Variants in HMGCLL1 observed in about 807,000 individuals in gnomAD.
The protein encoded by HMGCLL1 is 3-hydroxymethyl-3-methylglutaryl-CoA lyase, cytoplasmic.
A neutral mutation model predicts 39.1 loss-of-function variants in HMGCLL1; 36 were observed. The observed-to-expected ratio is 0.92, with a 90% confidence interval of 0.71 to 1.22. The LOEUF is 1.22. Ranked by LOEUF, HMGCLL1 falls within the 50% of genes most tolerant of loss-of-function variation. HMGCLL1 has a pLI of 0.00. For missense variants in HMGCLL1, 451 were observed against 416.5 expected, an observed-to-expected ratio of 1.08 and a Z score of -0.72; for synonymous variants, 149 against 144.0, an observed-to-expected ratio of 1.03 and a Z score of -0.25.
chr6:55,474,651 G>T (rs1035836501), intron 7 of HMGCLL1, among the ~76,000 whole-genome samples: 1 of 151,346 alleles, frequency 6.6e-6, no homozygotes, highest in Non-Finnish European at 1.5e-5. Flanking sequence ...GTCTCTTCAG[G>T]CTGTATTTTT....
chr6:55,523,950 G>T (rs764930679), intron 3 of HMGCLL1, among the ~76,000 whole-genome samples: 1 of 151,808 alleles, frequency 6.6e-6, no homozygotes, highest in African/African-American at 2.4e-5. Flanking sequence ...TACTGTGCAT[G>T]TTTCTATTTT....
Position 55,545,226 on chromosome 6 carries a change from A to AAAAAAG in HMGCLL1, c.109-3087_109-3086insCTTTTT, listed in dbSNP as rs1554157191. On this transcript the variant is annotated intron_variant, in intron 1 of 8. Transcript: ENST00000274901. ...ACAATGTTTGCCAAAAAAAAAAAAA[A>AAAAAAG]AAGAAGAAAAAGAAAGGTACGTAGT... Among the ~76,000 whole-genome samples the AAAAAAG allele has an allele frequency of 2.1e-5, 3 of 143,146 alleles. 1 individual carries two copies. The highest frequency in any genetic ancestry group is 4.5e-5 in the Non-Finnish European group (3 of 66,472). 93.9% of individuals were successfully genotyped at this position (143,146 alleles called of 152,430 possible).
At chr6:55,639,503 G>A in the HMGCLL1 span, among the ~76,000 whole-genome samples, 2 of 151,446 alleles carry the variant, frequency 1.3e-5, no homozygotes. Flanking sequence ...GAGAAGACAG[G>A]CATATTTATT....
chr6:55,574,339 T>A (rs1307283559), intron 1 of HMGCLL1, among the ~76,000 whole-genome samples: 1 of 151,834 alleles, frequency 6.6e-6, no homozygotes, highest in Admixed American at 6.6e-5. Flanking sequence ...TGCATATGTA[T>A]TGTAAATACA....
At chr6:55,617,416 G>A in the HMGCLL1 span, among the ~76,000 whole-genome samples, 1 of 152,012 alleles carries the variant, frequency 6.6e-6, no homozygotes, top group Non-Finnish European at 1.5e-5. Context: ...GAAGAGGTTG[G>A]GAACCATGCT....
chr6:55,665,958 C>T, the HMGCLL1 span, among the ~76,000 whole-genome samples: 3 of 151,676 alleles, frequency 2.0e-5, no homozygotes, highest in South Asian at 2.1e-4. Context: ...CTGAAACCTA[C>T]AGGAAGGGCC....
the HMGCLL1 span, among the ~76,000 whole-genome samples, chr6:55,675,893 A>T: frequency 5.3e-5 from 8 of 152,260 alleles, no homozygotes; most frequent in East Asian, 5.8e-4. Context: ...ACACAAAATA[A>T]AATAGGAATG....
At chr6:55,520,097 A>G (rs1338840224) in intron 3 of HMGCLL1, among the ~76,000 whole-genome samples, 1 of 24,852 alleles carries the variant, frequency 4.0e-5, no homozygotes, top group African/African-American at 1.8e-4. Flanking sequence ...GGGGCCTGTC[A>G]GGGGGTGGGG....
At chr6:55,480,105 C>A (rs528559525) in intron 7 of HMGCLL1, among the ~76,000 whole-genome samples, 1 of 151,602 alleles carries the variant, frequency 6.6e-6, no homozygotes, top group South Asian at 2.1e-4. Context: ...CAAAAGTGGA[C>A]AAATTACATC....
At chr6:55,450,153 G>A (rs1479607841) in intron 7 of HMGCLL1, among the ~76,000 whole-genome samples, 1 of 152,160 alleles carries the variant, frequency 6.6e-6, no homozygotes. Flanking sequence ...AATGTCACAA[G>A]CCAGGGTAGA....
intron 5 of HMGCLL1, chr6:55,511,975 G>C (rs929772634): frequency 6.6e-6 from 1 of 152,060 alleles, no homozygotes; most frequent in East Asian, 1.9e-4. Context: ...TTTACTGTGG[G>C]TCACTTCTTG....
At chr6:55,442,124 T>C (rs915120435) in intron 7 of HMGCLL1, among the ~76,000 whole-genome samples, 1 of 152,156 alleles carries the variant, frequency 6.6e-6, no homozygotes, top group Non-Finnish European at 1.5e-5. Flanking sequence ...ACGGCTGGTA[T>C]TAACTTTTCT....
chr6:55,444,692 A>G (rs62417204), intron 7 of HMGCLL1, among the ~76,000 whole-genome samples: 10,219 of 152,112 alleles, frequency 0.067, 428 homozygotes, highest in East Asian at 0.17. Flanking sequence ...CTGTTTTCCA[A>G]TGCCTCCACA....
At chr6:55,578,591 A>C (rs1486100811) in intron 1 of HMGCLL1, among the ~76,000 whole-genome samples, 1 of 152,228 alleles carries the variant, frequency 6.6e-6, no homozygotes, top group Non-Finnish European at 1.5e-5. Context: ...TACAAGGAGC[A>C]CTGAGAATAA....
intron 1 of HMGCLL1, among the ~76,000 whole-genome samples, chr6:55,559,621 A>C (rs1368613934): frequency 2.0e-5 from 3 of 152,164 alleles, no homozygotes; most frequent in African/African-American, 7.2e-5. Context: ...ACTTGAGCAA[A>C]AATTCACCTG....
intron 3 of HMGCLL1, among the ~76,000 whole-genome samples, chr6:55,539,582 CACATTAACTA>C (rs1293191213): frequency 6.6e-6 from 1 of 151,740 alleles, no homozygotes; most frequent in Non-Finnish European, 1.5e-5. Context: ...TATTATCTAG[CACATTAACTA>C]ACATAGGAAT....
chr6:55,677,118 T>G, the HMGCLL1 span, among the ~76,000 whole-genome samples: 1 of 152,216 alleles, frequency 6.6e-6, no homozygotes, highest in Non-Finnish European at 1.5e-5. Context: ...TACTTCCGGC[T>G]GGGCACAGTG....
At chr6:55,535,877 T>C (rs1289835257) in intron 3 of HMGCLL1, among the ~76,000 whole-genome samples, 5 of 152,194 alleles carry the variant, frequency 3.3e-5, no homozygotes, top group African/African-American at 1.2e-4. Flanking sequence ...TTCAGCCCCT[T>C]CGTGCACCCT....
chr6:55,512,079 G>C (rs1238421246), intron 5 of HMGCLL1: 1 of 152,072 alleles, frequency 6.6e-6, no homozygotes, highest in East Asian at 1.9e-4. Flanking sequence ...TGAGTATTAA[G>C]AGGGTTTAAG....
Sources: allele counts gnomAD v4.1 joint callset (sites outside exome capture counted in the v4.1 genomes callset), GRCh38; gene constraint gnomAD v4.1.1; transcripts MANE v1.5; gene names NCBI Gene and HGNC (gene_info 2026-07-23, HGNC 2026-07-21).